The following STARD13 variants were observed in gnomAD, a reference collection of about 807,000 sequenced individuals.
STARD13 encodes StAR related lipid transfer domain containing 13, also known as stAR-related lipid transfer protein 13.
Under a neutral mutation model 106.4 loss-of-function variants are expected in STARD13, and 62 were observed. The observed-to-expected ratio is 0.58, with a 90% CI of 0.48 to 0.72. The LOEUF is 0.72. STARD13 is among the 30% of genes least tolerant of loss of function. The pLI, the probability that STARD13 is intolerant of heterozygous loss-of-function variation, is 0.00. For missense variants in STARD13, 1,387 were observed against 1,424.0 expected (o/e 0.97, Z 0.42); for synonymous variants, 565 against 553.0 (o/e 1.02, Z -0.31).
At chr13:33,238,170 A>G (rs1183418014) in intron 1 of STARD13, among the ~76,000 whole-genome samples, 1 of 152,206 alleles carries the variant, frequency 6.6e-6, no homozygotes, top group Non-Finnish European at 1.5e-5. Context: ...ACAGCACCAC[A>G]TAAAGCCCTG....
intron 7 of STARD13, among the ~76,000 whole-genome samples, chr13:33,123,052 T>A (rs897649084): frequency 1.8e-4 from 6 of 32,478 alleles, no homozygotes; most frequent in Non-Finnish European, 4.0e-4. Flanking sequence ...CAAGACTCCA[T>A]CTCAAAAAAA....
chr13:33,505,235 G>A, the STARD13 span, among the ~76,000 whole-genome samples: 2 of 152,230 alleles, frequency 1.3e-5, no homozygotes, highest in East Asian at 1.9e-4. Flanking sequence ...TGTCCCAAAT[G>A]TTCTACAAAT....
At position 33,105,355 on chromosome 13, in the gene STARD13, T is replaced by C; in HGVS notation, c.*238A>G. The C allele has an allele frequency of 2.1e-6, 1 of 475,958 alleles. No homozygotes were observed. Among genetic ancestry groups the C allele is most frequent in the Non-Finnish European group, 3.8e-6 (1 of 265,538 alleles). The allele number at this position is 475,958 out of a possible 1,614,324, so 29.5% of individuals were successfully genotyped here. Reference sequence around the variant, plus strand: ...ATAGTCCATTTAATTTTAAGTAATATATATAAAGTTCTCATTTTAAAATTA... The same window carrying C: ...ATAGTCCATTTAATTTTAAGTAATACATATAAAGTTCTCATTTTAAAATTA... On this transcript the variant is annotated 3_prime_UTR_variant, in exon 14 of 14. Coordinates refer to ENST00000336934, the MANE Select transcript of STARD13 (RefSeq NM_178006.4).
chr13:33,292,063 C>T (rs1330660514), intron 1 of STARD13, among the ~76,000 whole-genome samples: 1 of 152,016 alleles, frequency 6.6e-6, no homozygotes, highest in East Asian at 1.9e-4. Context: ...AAAAAATAAA[C>T]AACTAACTGA....
chr13:33,524,880 G>A, the STARD13 span, among the ~76,000 whole-genome samples: 4 of 151,774 alleles, frequency 2.6e-5, no homozygotes, highest in South Asian at 2.1e-4. Flanking sequence ...ATCTACTCTC[G>A]GCAATTTTCA....
chr13:33,343,110 T>C (rs542035152), intron 1 of STARD13, among the ~76,000 whole-genome samples: 1 of 152,152 alleles, frequency 6.6e-6, no homozygotes, highest in Non-Finnish European at 1.5e-5. Flanking sequence ...TAGTAGGCAT[T>C]CCAAAGCTAA....
At chr13:33,127,300 A>G in intron 6 of STARD13, 73 bp downstream of exon 6, 1 of 1,452,662 alleles carries the variant, frequency 6.9e-7, no homozygotes, top group South Asian at 1.4e-5. Context: ...CACAAAGTAA[A>G]CATGGAAGCT....
the STARD13 span, among the ~76,000 whole-genome samples, chr13:33,372,696 G>C: frequency 2.0e-5 from 3 of 151,828 alleles, no homozygotes; most frequent in Non-Finnish European, 4.4e-5. Flanking sequence ...ATGATAGTTT[G>C]TGGTAGAAAG....
chr13:33,321,705 C>T (rs1893566411), intron 1 of STARD13, among the ~76,000 whole-genome samples: 1 of 152,140 alleles, frequency 6.6e-6, no homozygotes, highest in Admixed American at 6.5e-5. Context: ...GTGGTAGCAT[C>T]AAAGAACGGG....
intron 1 of STARD13, among the ~76,000 whole-genome samples, chr13:33,187,538 TC>T (rs1459459879): frequency 1.3e-5 from 2 of 152,164 alleles, no homozygotes; most frequent in African/African-American, 4.8e-5. Context: ...TACTGAGACT[TC>T]TATCTTTATT....
At chr13:33,605,805 T>C in the STARD13 span, among the ~76,000 whole-genome samples, 3 of 152,232 alleles carry the variant, frequency 2.0e-5, no homozygotes. Flanking sequence ...TATCAGGCCA[T>C]AGTTCTACTT....
the STARD13 span, among the ~76,000 whole-genome samples, chr13:33,500,451 T>C: frequency 2.6e-5 from 4 of 152,226 alleles, no homozygotes; most frequent in Non-Finnish European, 4.4e-5. Flanking sequence ...ATTATACTTA[T>C]AAAAGTTTTC....
chr13:33,536,747 A>T, the STARD13 span, among the ~76,000 whole-genome samples: 66 of 152,262 alleles, frequency 4.3e-4, 1 homozygote, highest in African/African-American at 1.5e-3. Flanking sequence ...GAAAGAAGAA[A>T]TTGCTTCTGC....
chr13:33,575,296 A>G, the STARD13 span, among the ~76,000 whole-genome samples: 1 of 151,884 alleles, frequency 6.6e-6, no homozygotes, highest in Non-Finnish European at 1.5e-5. Context: ...TAATTTATCT[A>G]AAATATAATT....
chr13:33,465,243 T>C, the STARD13 span, among the ~76,000 whole-genome samples: 11 of 145,264 alleles, frequency 7.6e-5, 1 homozygote, highest in Non-Finnish European at 1.2e-4. Context: ...TCTCACTCTG[T>C]CACCCAGCCT....
Position 33,105,480 on chromosome 13 carries a change from A to T in STARD13, c.*113T>A, listed in dbSNP as rs1251957922. The stretch of plus-strand genomic sequence containing the variant: ...CTTCTTAACGTTTCCATTTTTAGGC[A>T]TTAACCGCGTCCTTCAGTTCCTCTT... On this transcript the variant is annotated 3_prime_UTR_variant, in exon 14 of 14. Transcript: ENST00000336934. 5 of 745,764 alleles carry T rather than the reference A, an allele frequency of 6.7e-6. No homozygotes were observed. The highest frequency in any genetic ancestry group is 6.5e-5 in the Admixed American group (3 of 45,834). 46.2% of individuals were successfully genotyped at this position (745,764 alleles called of 1,614,324 possible).
intron 7 of STARD13, among the ~76,000 whole-genome samples, chr13:33,124,320 C>T (rs957693941): frequency 6.6e-6 from 1 of 152,218 alleles, no homozygotes; most frequent in African/African-American, 2.4e-5. Context: ...AAGGTGGTGA[C>T]TGACTGTGGT....
At chr13:33,374,823 C>T in the STARD13 span, among the ~76,000 whole-genome samples, 1 of 152,036 alleles carries the variant, frequency 6.6e-6, no homozygotes, top group African/African-American at 2.4e-5. Context: ...CAGTGTTTGT[C>T]AAACTTTAGT....
chr13:33,123,659 C>A (rs1216300541), intron 7 of STARD13, among the ~76,000 whole-genome samples: 2 of 152,230 alleles, frequency 1.3e-5, no homozygotes, highest in African/African-American at 2.4e-5. Flanking sequence ...CCTCATCTCA[C>A]CCACAGCCAG....
Sources: allele counts gnomAD v4.1 joint callset (sites outside exome capture counted in the v4.1 genomes callset), GRCh38; gene constraint gnomAD v4.1.1; transcripts MANE v1.5; gene names NCBI Gene and HGNC (gene_info 2026-07-23, HGNC 2026-07-21).